Variants in PCM1 observed in about 807,000 individuals in gnomAD.
The protein encoded by PCM1 is pericentriolar material 1.
PCM1 carries 157 observed loss-of-function variants against 241.9 expected under a neutral mutation model. That is an observed-to-expected ratio of 0.65 (90% confidence interval 0.57 to 0.74). PCM1 has a LOEUF of 0.74. PCM1 is among the 30% of genes least tolerant of loss of function. PCM1 has a pLI of 0.00. For missense variants in PCM1, 3,478 were observed against 2,360.1 expected (o/e 1.47, Z -9.81); for synonymous variants, 1,085 against 784.9 (o/e 1.38, Z -6.39).
At chr8:18,016,446 A>G (rs1790226971) in intron 36 of PCM1, among the ~76,000 whole-genome samples, 1 of 151,578 alleles carries the variant, frequency 6.6e-6, no homozygotes, top group East Asian at 1.9e-4. Context: ...GAGAAGAGTT[A>G]AAGTTACAGT....
intron 16 of PCM1, 28 bp downstream of exon 16, chr8:17,962,202 T>G: frequency 6.4e-7 from 1 of 1,565,086 alleles, no homozygotes. Context: ...CTCTTGTTCC[T>G]GAGTTAGTCT....
At chr8:18,015,700 G>T (rs988467095) in intron 36 of PCM1, 2 of 152,086 alleles carry the variant, frequency 1.3e-5, no homozygotes, top group African/African-American at 4.8e-5. Flanking sequence ...TTGTGTCTCA[G>T]ATTTGTCTTT....
Position 17,957,649 on chromosome 8 carries a change from A to T in PCM1, c.1914A>T (p.Leu638Phe), listed in dbSNP as rs750421396. The change falls in exon 13 of 39, where the codon TTA (leucine) becomes TTT (phenylalanine). Residue 638 changes from leucine to phenylalanine, a missense_variant. Transcript: ENST00000325083. ...AGGAGGGAGTCAGTGGAGCTTCATT[A>T]TCTAGTCACAGGAGCAGTCTGGTTG... ...AEEEGVSGAS[L>F]SSHRSSLVDE... 6 of 1,599,154 alleles carry T rather than the reference A, an allele frequency of 3.8e-6. No homozygotes were observed. In the South Asian group the frequency reaches 4.5e-5, roughly 12 times the overall value.
chr8:17,938,428 A>G lies in PCM1; in HGVS notation c.343-312A>G, dbSNP rs555649459. On this transcript the variant is annotated intron_variant, in intron 4 of 38. Transcript: ENST00000325083. ...ATATTCCAAAATTTGAAAAAAAATG[A>G]AACTCCTAACACTTCTTGTCTGAAA... Among the ~76,000 whole-genome samples, 5 of 152,314 alleles carry G rather than the reference A, an allele frequency of 3.3e-5. No individual in the cohort carries two copies. In the East Asian group the frequency reaches 7.7e-4, roughly 23 times the overall value.
chr8:18,028,268 G>C lies in PCM1; in HGVS notation c.*606G>C, dbSNP rs888538876. ...AATATTTATTAATCCATTGAAATTGGATAATAAGTTTAGAACATAGGTTCT... is the reference window on the plus strand; with the variant it reads ...AATATTTATTAATCCATTGAAATTGCATAATAAGTTTAGAACATAGGTTCT... On this transcript the variant is annotated 3_prime_UTR_variant, in exon 39 of 39. Coordinates refer to ENST00000325083, the MANE Select transcript of PCM1 (RefSeq NM_006197.4). 5.3e-6 allele frequency: 1 copy of C among 187,026 alleles called. No homozygotes were observed. The highest frequency in any genetic ancestry group is 6.2e-5 in the Admixed American group (1 of 16,162). The allele number at this position is 187,026 out of a possible 1,614,324, so 11.6% of individuals were successfully genotyped here. A position where few individuals can be genotyped will look rare whatever the true frequency, so the allele number is the denominator to read the frequency against.
At position 17,955,500 on chromosome 8, in the gene PCM1, G is replaced by C; in HGVS notation, c.1319G>C (p.Ser440Thr). ...SSPQRSVDQRSTSAPSASVGL... is the reference protein window; with the variant it reads ...SSPQRSVDQRTTSAPSASVGL... ...CCACAAAGGAGTGTCGATCAGAGAA[G>C]TACTTCAGCTCCCTCTGCTTCTGTA... The change falls in exon 10 of 39, where the codon AGT becomes ACT. Residue 440 changes from serine to threonine, a missense_variant. By Grantham distance (58) the Ser-to-Thr change is moderately conservative. Transcript: ENST00000325083. 1 of 1,612,564 alleles carries C rather than the reference G, an allele frequency of 6.2e-7. No individual in the cohort carries two copies. Among genetic ancestry groups the C allele is most frequent in the Non-Finnish European group, 8.5e-7 (1 of 1,179,344 alleles).
At chr8:18,018,863 T>C (rs1451006101) in intron 36 of PCM1, among the ~76,000 whole-genome samples, 1 of 62,606 alleles carries the variant, frequency 1.6e-5, no homozygotes, top group African/African-American at 6.1e-5. Context: ...TATATATATA[T>C]ATATATATAT....
At chr8:17,958,545 T>C (rs1396181394) in intron 13 of PCM1, among the ~76,000 whole-genome samples, 1 of 152,148 alleles carries the variant, frequency 6.6e-6, no homozygotes, top group Non-Finnish European at 1.5e-5. Flanking sequence ...TATTACCGTG[T>C]AACTATTAAC....
chr8:17,953,987 A>C lies in PCM1; in HGVS notation c.1288+801A>C, dbSNP rs571029832. On this transcript the variant is annotated intron_variant, in intron 9 of 38. Transcript: ENST00000325083. ...CTGGAGCCTCTGGTCCTTATTCTCC[A>C]CCTATCTCCTTTTCCTTTTCCACCC... Among the ~76,000 whole-genome samples the C allele has an allele frequency of 6.6e-4, 101 of 152,280 alleles. 1 individual carries two copies. The highest frequency in any genetic ancestry group is 2.3e-3 in the African/African-American group (94 of 41,562).
At position 17,960,460 on chromosome 8, in the gene PCM1, A is replaced by T; in HGVS notation, c.2322+16A>T. The T allele has an allele frequency of 6.4e-7, 1 of 1,565,508 alleles. No individual in the cohort carries two copies. The stretch of plus-strand genomic sequence containing the variant: ...TGACTTACAGGTAATTATGAAATTT[A>T]TTTCTAATTGTCTGAAAAAAGATGT... On this transcript the variant is annotated intron_variant, in intron 15 of 38. Transcript: ENST00000325083.
At chr8:17,955,423 G>T in intron 9 of PCM1, 47 bp from the exon 10 acceptor site, 1 of 1,365,862 alleles carries the variant, frequency 7.3e-7, no homozygotes, top group South Asian at 1.5e-5. Flanking sequence ...GTTTGTTTAT[G>T]GTAACTGGTG....
At chr8:17,997,721 T>C (rs1208791449) in intron 29 of PCM1, among the ~76,000 whole-genome samples, 2 of 152,042 alleles carry the variant, frequency 1.3e-5, no homozygotes, top group Non-Finnish European at 2.9e-5. Context: ...AATTTATCTA[T>C]GAATATAGAA....
intron 23 of PCM1, among the ~76,000 whole-genome samples, chr8:17,978,087 A>G (rs1260080535): frequency 1.3e-5 from 2 of 152,164 alleles, no homozygotes; most frequent in Admixed American, 6.6e-5. Flanking sequence ...AATTATAACA[A>G]ATTCTTTAGA....
intron 26 of PCM1, among the ~76,000 whole-genome samples, chr8:17,989,321 T>G (rs1020418082): frequency 2.0e-5 from 3 of 151,920 alleles, no homozygotes; most frequent in Admixed American, 2.0e-4. Context: ...CCTGGGCCAG[T>G]GGAAATGGTC....
At chr8:17,941,679 G>A (rs1438946413) in intron 6 of PCM1, among the ~76,000 whole-genome samples, 3 of 152,202 alleles carry the variant, frequency 2.0e-5, no homozygotes, top group Non-Finnish European at 2.9e-5. Flanking sequence ...GAATTCGGCC[G>A]TGCATTGAGG....
intron 24 of PCM1, 77 bp downstream of exon 24, chr8:17,980,832 T>A: frequency 8.7e-7 from 1 of 1,143,820 alleles, no homozygotes; most frequent in Non-Finnish European, 1.2e-6. Context: ...AAGCAGGTGT[T>A]AAAATTGGTG....
chr8:17,935,565 C>G lies in PCM1; in HGVS notation c.-22-24C>G, dbSNP rs189856238. On this transcript the variant is annotated intron_variant, in intron 2 of 38. Transcript: ENST00000325083. ...GAATTTGTTTTTATGTGTTATAAAGCTCAGTTCTTAACTTGTTTCGCAGAG... is the reference window on the plus strand; with the variant it reads ...GAATTTGTTTTTATGTGTTATAAAGGTCAGTTCTTAACTTGTTTCGCAGAG... 4.6e-5 allele frequency: 37 copies of G among 812,410 alleles called. No homozygotes were observed. The East Asian group carries it at 9.2e-4, about 20-fold the overall frequency. 50.3% of individuals were successfully genotyped at this position (812,410 alleles called of 1,614,324 possible).
rs2076106616 is a variant in PCM1 at position 17,969,359 on chromosome 8, A to T, written c.3413-218A>T. ...CATTATTTCTAACTTTTAGCTCTTA[A>T]GGGAGTGGGGATTATTAATTGTCTT... On this transcript the variant is annotated intron_variant, in intron 21 of 38. Transcript: ENST00000325083. 6.8e-6 allele frequency: 3 copies of T among 438,496 alleles called. No individual in the cohort carries two copies. The South Asian group carries it at 9.8e-5, about 14-fold the overall frequency. The allele number at this position is 438,496 out of a possible 1,614,324, so 27.2% of individuals were successfully genotyped here.
chr8:17,947,324 C>A lies in PCM1; in HGVS notation c.922C>A (p.His308Asn), dbSNP rs200405638. 1 of 1,610,724 alleles carries A rather than the reference C, an allele frequency of 6.2e-7. No homozygotes were observed. The highest frequency in any genetic ancestry group is 8.5e-7 in the Non-Finnish European group (1 of 1,178,426). ...GCAGGCTGCACTTCTAGCTCTGCAA[C>A]ATAAAGCAGAGCAAGCTATTGCAGT... is the stretch of plus-strand genomic sequence containing the variant. ...GRQAALLALQ[H>N]KAEQAIAVMD... Residue 308 changes from histidine to asparagine, a missense_variant, in exon 7 of 39, where the codon CAT (histidine) becomes AAT (asparagine). Physicochemically the swap from His to Asn is moderately conservative, Grantham distance 68. Coordinates refer to ENST00000325083, the MANE Select transcript of PCM1 (RefSeq NM_006197.4).
Sources: gnomAD v4.1 joint callset for allele counts (sites outside exome capture counted in the v4.1 genomes callset) on GRCh38, gnomAD v4.1.1 for gene constraint, MANE v1.5 for transcripts, NCBI Gene and HGNC (gene_info 2026-07-23, HGNC 2026-07-21) for gene names.